MRAS: variants seen among roughly 807,000 people sequenced by gnomAD.
MRAS encodes ras-related protein M-Ras.
In MRAS, 4 loss-of-function variants were observed where a neutral mutation model predicts 20.9. The ratio of observed to expected loss-of-function variants is 0.19; its 90% confidence interval spans 0.09 to 0.44. The LOEUF is 0.44. Among genes scored for constraint, MRAS ranks in the 20% least tolerant of loss-of-function variants. The pLI is 0.99. For missense variants in MRAS, 154 were observed against 277.5 expected, an observed-to-expected ratio of 0.56 and a Z score of 3.16; for synonymous variants, 98 against 102.9, an observed-to-expected ratio of 0.95 and a Z score of 0.29.
intron 2 of MRAS, among the ~76,000 whole-genome samples, chr3:138,375,945 G>A (rs976681789): frequency 3.3e-5 from 5 of 151,964 alleles, no homozygotes; most frequent in Admixed American, 1.3e-4. Flanking sequence ...CCGAGACTGC[G>A]CCACCTCACT....
chr3:138,375,758 G>T (rs1444176934), intron 2 of MRAS, among the ~76,000 whole-genome samples: 5 of 152,110 alleles, frequency 3.3e-5, no homozygotes, highest in Non-Finnish European at 7.4e-5. Context: ...TGGCTTACAA[G>T]GCCTGTAAAT....
At chr3:138,390,854 G>A (rs2108550290) in intron 2 of MRAS, among the ~76,000 whole-genome samples, 1 of 152,292 alleles carries the variant, frequency 6.6e-6, no homozygotes, top group South Asian at 2.1e-4. Flanking sequence ...GGTTTTATAT[G>A]TTTTCTGGAG....
In MRAS at chr3:138,398,326, G is replaced by C. The variant is rs2055284176; in HGVS notation, c.348-143G>C. The C allele has an allele frequency of 1.0e-5, 7 of 684,154 alleles. No homozygotes were observed. The South Asian group carries it at 1.2e-4, about 12-fold the overall frequency. 42.4% of individuals were successfully genotyped at this position (684,154 alleles called of 1,614,324 possible). On this transcript the variant is annotated intron_variant, in intron 3 of 5. Coordinates refer to ENST00000423968, the MANE Select transcript of MRAS (RefSeq NM_001085049.3). ...CAAGCCCTGACCTCTCTCTGGAAAGGAAGAGGGAAGGGACTGCAGTCCAGG... is the reference window on the plus strand; with the variant it reads ...CAAGCCCTGACCTCTCTCTGGAAAGCAAGAGGGAAGGGACTGCAGTCCAGG...
At chr3:138,377,322 C>T (rs12490350) in intron 2 of MRAS, among the ~76,000 whole-genome samples, 89,526 of 152,140 alleles carry the variant, frequency 0.59, 27,422 homozygotes, top group East Asian at 0.73. Flanking sequence ...AAAAGGAAGA[C>T]TTGGCCGGGT....
chr3:138,383,105 C>T (rs1330247409), intron 2 of MRAS, among the ~76,000 whole-genome samples: 3 of 152,094 alleles, frequency 2.0e-5, no homozygotes, highest in African/African-American at 7.2e-5. Flanking sequence ...ATAGTTGTTG[C>T]AAAGGATAAA....
chr3:138,363,819 A>AT (rs2054501005), intron 1 of MRAS, among the ~76,000 whole-genome samples: 3 of 32,942 alleles, frequency 9.1e-5, no homozygotes, highest in Non-Finnish European at 1.8e-4. Context: ...TAGAGGATTT[A>AT]CCCCCCCCCC....
chr3:138,349,032 G>A (rs1211084294), intron 1 of MRAS: 3 of 145,452 alleles, frequency 2.1e-5, no homozygotes, highest in Non-Finnish European at 3.0e-5. Context: ...ACCCTTTCAT[G>A]GTAATTACAG....
chr3:138,383,376 G>A lies in MRAS; in HGVS notation c.193+10300G>A, dbSNP rs191163792. On this transcript the variant is annotated intron_variant, in intron 2 of 5. Transcript: ENST00000423968. ...CACAGGGTCTCACCGTGCCACCCAG[G>A]CTAGAGTGCAGTGGCATGATCATAG... 4.5e-4 allele frequency among the ~76,000 whole-genome samples: 68 copies of A among 152,224 alleles called. 1 individual carries two copies. The highest frequency in any genetic ancestry group is 3.9e-3 in the Admixed American group (59 of 15,284).
At chr3:138,352,402 G>T (rs2054246980) in intron 1 of MRAS, among the ~76,000 whole-genome samples, 1 of 152,188 alleles carries the variant, frequency 6.6e-6, no homozygotes, top group Non-Finnish European at 1.5e-5. Flanking sequence ...CATTCCTCTT[G>T]TAGGAGTCAT....
chr3:138,399,686 A>C (rs777065491), intron 4 of MRAS, among the ~76,000 whole-genome samples: 8 of 152,246 alleles, frequency 5.3e-5, no homozygotes, highest in Non-Finnish European at 1.0e-4. Context: ...AATCACACTC[A>C]GCTTACTTCC....
At chr3:138,389,275 C>T (rs2055080418) in intron 2 of MRAS, among the ~76,000 whole-genome samples, 1 of 151,716 alleles carries the variant, frequency 6.6e-6, no homozygotes, top group African/African-American at 2.4e-5. Flanking sequence ...TTGAGCCTTC[C>T]TTGAGTGCTG....
intron 2 of MRAS, among the ~76,000 whole-genome samples, chr3:138,375,881 G>A (rs536996936): frequency 2.0e-5 from 3 of 152,130 alleles, no homozygotes; most frequent in South Asian, 2.1e-4. Context: ...AATTAGCCTC[G>A]GGTGGCTGAG....
chr3:138,402,154 T>A lies in MRAS; in HGVS notation c.528-16T>A, dbSNP rs549331788. ...CCATTCTGACTTTGTCTTTCTGTCC[T>A]TCATTGTTTCAAAAGGCAACAGATT... On this transcript the variant is annotated splice_polypyrimidine_tract_variant and intron_variant, in intron 5 of 5. Transcript: ENST00000423968. The A allele has an allele frequency of 6.2e-7, 1 of 1,612,572 alleles. No individual in the cohort carries two copies. The highest frequency in any genetic ancestry group is 1.1e-5 in the South Asian group (1 of 91,028).
intron 2 of MRAS, among the ~76,000 whole-genome samples, chr3:138,380,679 A>G (rs1284286658): frequency 1.3e-5 from 2 of 152,022 alleles, no homozygotes; most frequent in African/African-American, 2.4e-5. Flanking sequence ...AAGTGGAATA[A>G]TATTTGTCCT....
At chr3:138,396,279 A>T (rs958858130) in intron 2 of MRAS, among the ~76,000 whole-genome samples, 1 of 152,226 alleles carries the variant, frequency 6.6e-6, no homozygotes, top group Non-Finnish European at 1.5e-5. Context: ...TCCCCATTTT[A>T]GGAAATGGTG....
chr3:138,397,370 A>G lies in MRAS; in HGVS notation c.240A>G (p.Gln80=), dbSNP rs748788440. ...AGGAATTCAGCGCCATGCGGGAGCAATACATGCGCACGGGGGATGGCTTCC... is the reference window on the plus strand; with the variant it reads ...AGGAATTCAGCGCCATGCGGGAGCAGTACATGCGCACGGGGGATGGCTTCC... ...GQEEFSAMRE[Q]YMRTGDGFLI... Residue 80 remains glutamine, a synonymous_variant, in exon 3 of 6, where the codon CAA becomes CAG. Transcript: ENST00000423968. The G allele has an allele frequency of 6.2e-7, 1 of 1,614,118 alleles. No individual in the cohort carries two copies. The highest frequency in any genetic ancestry group is 8.5e-7 in the Non-Finnish European group (1 of 1,179,992).
intron 2 of MRAS, among the ~76,000 whole-genome samples, chr3:138,373,658 C>T (rs1174046912): frequency 6.6e-6 from 1 of 152,180 alleles, no homozygotes; most frequent in Admixed American, 6.5e-5. Context: ...CGAGGAGATG[C>T]TTGAAATCAG....
intron 2 of MRAS, among the ~76,000 whole-genome samples, chr3:138,387,816 G>A (rs949234501): frequency 2.0e-5 from 3 of 152,186 alleles, no homozygotes; most frequent in Admixed American, 2.0e-4. Context: ...CCCAGAATGT[G>A]CACCGACATA....
chr3:138,375,456 T>C (rs117814972), intron 2 of MRAS, among the ~76,000 whole-genome samples: 2 of 152,332 alleles, frequency 1.3e-5, no homozygotes, highest in East Asian at 1.9e-4. Flanking sequence ...CCTAACTGTT[T>C]AGTAGAATTC....
Sources: gnomAD v4.1 joint callset for allele counts (sites outside exome capture counted in the v4.1 genomes callset) on GRCh38, gnomAD v4.1.1 for gene constraint, MANE v1.5 for transcripts, NCBI Gene and HGNC (gene_info 2026-07-23, HGNC 2026-07-21) for gene names.